S100A10: variants seen among roughly 807,000 people sequenced by gnomAD.
S100A10 encodes the protein protein S100-A10.
In S100A10, 3 loss-of-function variants were observed where a neutral mutation model predicts 7.1. The ratio of observed to expected loss-of-function variants is 0.42; its 90% CI spans 0.19 to 1.10. The LOEUF (loss-of-function observed/expected upper bound fraction) is 1.10, where lower values mean the gene tolerates loss of function less well. S100A10 is among the 50% of genes least tolerant of loss of function. S100A10 has a pLI of 0.29. For missense variants in S100A10, 101 were observed against 118.1 expected (o/e 0.86, Z 0.67); for synonymous variants, 41 against 39.3 (o/e 1.04, Z -0.16).
chr1:151,993,209 C>A lies in S100A10; in HGVS notation c.-22+543G>T, dbSNP rs1655943981. Among the ~76,000 whole-genome samples the A allele has an allele frequency of 6.6e-6, 1 of 152,170 alleles. No homozygotes were observed. The highest frequency in any genetic ancestry group is 2.1e-4 in the South Asian group (1 of 4,834). On this transcript the variant is annotated intron_variant, in intron 1 of 2. Coordinates refer to ENST00000368811, the MANE Select transcript of S100A10 (RefSeq NM_002966.3). This position sits in a 1 kb window ranked among gnomAD's most constrained non-coding sequence, Gnocchi z 5.1. ...TCGAGCAGACAACAGGAAGCCCCGA[C>A]CAGAAACGCCTGTTTGGCCGACGGA...
chr1:151,991,977 C>T (rs1655914518), intron 1 of S100A10, among the ~76,000 whole-genome samples: 1 of 152,032 alleles, frequency 6.6e-6, no homozygotes, highest in Non-Finnish European at 1.5e-5. Flanking sequence ...TGCTTCATGC[C>T]CAGTAGACCA....
intron 1 of S100A10, 92 bp from the exon 2 acceptor site, chr1:151,986,343 TTG>T (rs1438958233): frequency 4.4e-6 from 4 of 902,766 alleles, no homozygotes; most frequent in Non-Finnish European, 3.4e-6. Flanking sequence ...AAAGATAAAA[TTG>T]TATGTATTTA....
intron 1 of S100A10, among the ~76,000 whole-genome samples, chr1:151,992,356 G>A (rs1655922891): frequency 6.6e-6 from 1 of 152,130 alleles, no homozygotes. Context: ...ACCTCTTAGC[G>A]GGAAAAGCTA....
chr1:151,986,723 G>A (rs866156789), intron 1 of S100A10, among the ~76,000 whole-genome samples: 2 of 152,148 alleles, frequency 1.3e-5, no homozygotes, highest in African/African-American at 2.4e-5. Context: ...TTCACTAAGC[G>A]TAACGTCCTC....
In S100A10 at chr1:151,984,509, C is replaced by G. The variant is rs150927990; in HGVS notation, c.133-1185G>C. ...AAAATGCTCTGTTAATGCAGTGAGT[C>G]TAGATGTTTCCAGAATTATGACTCT... On this transcript the variant is annotated intron_variant, in intron 2 of 2. Transcript: ENST00000368811. Among the ~76,000 whole-genome samples, 268 of 152,194 alleles carry G rather than the reference C, an allele frequency of 1.8e-3. 6 individuals are homozygous for G. In the East Asian group the frequency reaches 0.027, roughly 15 times the overall value.
chr1:151,986,016 G>T, intron 2 of S100A10, 83 bp downstream of exon 2: 1 of 1,246,800 alleles, frequency 8.0e-7, no homozygotes, highest in Non-Finnish European at 1.1e-6. Context: ...ACAGGGAAGG[G>T]ATGGAAACAA....
chr1:151,983,478 ATT>A (rs200402860), intron 2 of S100A10, among the ~76,000 whole-genome samples, 154 bp from the exon 3 acceptor site: 44 of 137,706 alleles, frequency 3.2e-4, no homozygotes, highest in Admixed American at 5.8e-4. Flanking sequence ...ATCTAAATGT[ATT>A]TTTTTTTTTT....
At chr1:151,986,840 A>C (rs749149704) in intron 1 of S100A10, among the ~76,000 whole-genome samples, 3 of 152,214 alleles carry the variant, frequency 2.0e-5, no homozygotes, top group Non-Finnish European at 4.4e-5. Context: ...GATCTTCTCC[A>C]GCTTTAAAAT....
At chr1:151,988,084 C>T (rs1655833432) in intron 1 of S100A10, among the ~76,000 whole-genome samples, 1 of 152,052 alleles carries the variant, frequency 6.6e-6, no homozygotes, top group Non-Finnish European at 1.5e-5. Flanking sequence ...CATCATGAAG[C>T]GTTTATAAGA....
At position 151,992,276 on chromosome 1, in the gene S100A10, A is replaced by G. The variant is rs187105585; in HGVS notation, c.-22+1476T>C. Among the ~76,000 whole-genome samples the G allele has an allele frequency of 2.4e-4, 36 of 152,314 alleles. 1 individual carries two copies. The East Asian group carries it at 6.8e-3, about 29-fold the overall frequency. On this transcript the variant is annotated intron_variant, in intron 1 of 2. Transcript: ENST00000368811. ...ATGAGCCTGGCCTCACCTAAAACGCACAACATAAAACTCCATTCCTGGAGA... is the reference window on the plus strand; with the variant it reads ...ATGAGCCTGGCCTCACCTAAAACGCGCAACATAAAACTCCATTCCTGGAGA...
At chr1:151,992,880 C>T (rs1655936053) in intron 1 of S100A10, among the ~76,000 whole-genome samples, 1 of 24,520 alleles carries the variant, frequency 4.1e-5, no homozygotes, top group Non-Finnish European at 8.9e-5. Context: ...TGAGGCTGGA[C>T]AGGCAGCAGT....
chr1:151,983,138 G>A lies in S100A10; in HGVS notation c.*25C>T, dbSNP rs1459252724. ...GACCCTTTGGGACAACTCTTATCAG[G>A]GAGGAGCGAACTGCTCATTTCTGCC... is the stretch of plus-strand genomic sequence containing the variant. On this transcript the variant is annotated 3_prime_UTR_variant, in exon 3 of 3. Coordinates refer to ENST00000368811, the MANE Select transcript of S100A10 (RefSeq NM_002966.3). The A allele has an allele frequency of 1.3e-6, 2 of 1,514,826 alleles. No homozygotes were observed. Among genetic ancestry groups the A allele is most frequent in the East Asian group, 2.3e-5 (1 of 43,234 alleles). 93.8% of individuals were successfully genotyped at this position (1,514,826 alleles called of 1,614,324 possible).
In S100A10 at chr1:151,983,264, CA is replaced by C; in HGVS notation, c.192del (p.Asp64GlufsTer12). ...KIMKDLDQCR[D>X]GKVGFQSFFS... ...AAGAAGCTCTGGAAGCCCACTTTGC[CA>C]TCTCTACACTGGTCCAGGTCCTTCA... On this transcript the variant is annotated frameshift_variant, in exon 3 of 3. Coordinates refer to ENST00000368811, the MANE Select transcript of S100A10 (RefSeq NM_002966.3). LOFTEE classifies it high-confidence loss of function. The C allele has an allele frequency of 6.2e-7, 1 of 1,606,860 alleles. No individual in the cohort carries two copies. Among genetic ancestry groups the C allele is most frequent in the South Asian group, 1.1e-5 (1 of 89,906 alleles).
intron 2 of S100A10, among the ~76,000 whole-genome samples, chr1:151,983,731 A>C (rs552560377): frequency 7.9e-5 from 12 of 152,292 alleles, no homozygotes; most frequent in African/African-American, 2.6e-4. Context: ...GGTTGGTTTT[A>C]GGTTTGGAGA....
At position 151,993,388 on chromosome 1, in the gene S100A10, G is replaced by C. The variant is rs1441625299; in HGVS notation, c.-22+364C>G. 6.6e-6 allele frequency among the ~76,000 whole-genome samples: 1 copy of C among 152,186 alleles called. No homozygotes were observed. The highest frequency in any genetic ancestry group is 1.5e-5 in the Non-Finnish European group (1 of 68,030). On this transcript the variant is annotated intron_variant, in intron 1 of 2. Coordinates refer to ENST00000368811, the MANE Select transcript of S100A10 (RefSeq NM_002966.3). This position sits in a 1 kb window ranked among gnomAD's most constrained non-coding sequence, Gnocchi z 5.1. The stretch of plus-strand genomic sequence containing the variant: ...CAGCCAGGGCAGGGGCGTGTAGGAG[G>C]GATTCGGTAACCCGAGAGACGAGTG...
chr1:151,987,165 C>T (rs1056828740), intron 1 of S100A10, among the ~76,000 whole-genome samples: 13 of 150,456 alleles, frequency 8.6e-5, no homozygotes, highest in East Asian at 3.9e-4. Context: ...CCACCATGTC[C>T]GGCTAATTTT....
intron 1 of S100A10, among the ~76,000 whole-genome samples, chr1:151,992,096 G>A (rs1174287202): frequency 1.3e-5 from 2 of 152,194 alleles, no homozygotes; most frequent in Non-Finnish European, 2.9e-5. Context: ...TGGAAGGGAT[G>A]ATTAAAGAGA....
intron 2 of S100A10, 123 bp from the exon 3 acceptor site, chr1:151,983,447 C>A: frequency 6.3e-6 from 3 of 476,306 alleles, no homozygotes; most frequent in Non-Finnish European, 1.0e-5. Context: ...TGTTTTAGGT[C>A]ATAAGCAACC....
intron 1 of S100A10, among the ~76,000 whole-genome samples, chr1:151,989,334 C>T (rs747913866): frequency 6.6e-6 from 1 of 152,176 alleles, no homozygotes; most frequent in Admixed American, 6.5e-5. Flanking sequence ...CCCTCCCCTC[C>T]TCCCCCAGCG....
Sources: gnomAD v4.1 joint callset for allele counts (sites outside exome capture counted in the v4.1 genomes callset) on GRCh38, gnomAD v4.1.1 for gene constraint, Gnocchi (gnomAD v3.1) non-coding constraint, MANE v1.5 for transcripts, NCBI Gene and HGNC (gene_info 2026-07-23, HGNC 2026-07-21) for gene names.